The following SLC25A26 variants were observed in gnomAD, a reference collection of about 807,000 sequenced individuals.
SLC25A26 encodes mitochondrial S-adenosylmethionine carrier protein.
A neutral mutation model predicts 37.8 loss-of-function variants in SLC25A26; 36 were observed. That is an observed-to-expected ratio of 0.95 (90% CI 0.73 to 1.26). The LOEUF is 1.26. Among genes scored for constraint, SLC25A26 ranks in the 50% most tolerant of loss-of-function variants. SLC25A26 has a pLI of 0.00. For missense variants in SLC25A26, 390 were observed against 331.1 expected (o/e 1.18, Z -1.38); for synonymous variants, 129 against 122.5 (o/e 1.05, Z -0.35).
chr3:66,305,892 T>C (rs2075205997), intron 5 of SLC25A26, among the ~76,000 whole-genome samples: 1 of 152,246 alleles, frequency 6.6e-6, no homozygotes, highest in African/African-American at 2.4e-5. Context: ...TCTTCCACAA[T>C]GGTTGAACTA....
chr3:66,363,319 C>A (rs2061874), intron 7 of SLC25A26, among the ~76,000 whole-genome samples: 62,845 of 151,948 alleles, frequency 0.41, 13,562 homozygotes, highest in East Asian at 0.7. Context: ...TGCAGAAGGC[C>A]ATGATTCACG....
chr3:66,272,983 T>C (rs1175724550), intron 5 of SLC25A26, among the ~76,000 whole-genome samples: 1 of 152,182 alleles, frequency 6.6e-6, no homozygotes, highest in Non-Finnish European at 1.5e-5. Flanking sequence ...ACCTAATTTA[T>C]TGAGAGTTTT....
intron 1 of SLC25A26, among the ~76,000 whole-genome samples, chr3:66,177,597 T>G (rs1165069288): frequency 1.3e-5 from 2 of 152,220 alleles, no homozygotes; most frequent in Admixed American, 6.5e-5. Flanking sequence ...GTGGGTCCCT[T>G]TATTTCTCAC....
At chr3:66,222,839 C>T (rs2071564218) in intron 1 of SLC25A26, among the ~76,000 whole-genome samples, 1 of 152,040 alleles carries the variant, frequency 6.6e-6, no homozygotes, top group South Asian at 2.1e-4. Context: ...CTGCAGTTAA[C>T]AAAAGAATGG....
intron 1 of SLC25A26, among the ~76,000 whole-genome samples, chr3:66,172,867 C>T (rs560333608): frequency 6.6e-6 from 1 of 152,196 alleles, no homozygotes; most frequent in South Asian, 2.1e-4. Flanking sequence ...ATGAGGACAC[C>T]AGTCATAATG....
At chr3:66,170,688 A>G (rs1229708450) in intron 1 of SLC25A26, among the ~76,000 whole-genome samples, 1 of 151,154 alleles carries the variant, frequency 6.6e-6, no homozygotes, top group Non-Finnish European at 1.5e-5. Context: ...GAACTCTGCT[A>G]TTCCATCCAT....
At chr3:66,149,918 TA>T (rs2070175049) in intron 1 of SLC25A26, among the ~76,000 whole-genome samples, 1 of 152,168 alleles carries the variant, frequency 6.6e-6, no homozygotes, top group Non-Finnish European at 1.5e-5. Flanking sequence ...ACAGGTTAAG[TA>T]ATTTATCCAA....
At chr3:66,223,254 G>A (rs894556908) in intron 1 of SLC25A26, among the ~76,000 whole-genome samples, 4 of 152,214 alleles carry the variant, frequency 2.6e-5, no homozygotes, top group African/African-American at 7.2e-5. Flanking sequence ...CTAAAAGATA[G>A]GAAGGGGCTT....
chr3:66,150,214 T>C (rs1188331134), intron 1 of SLC25A26, among the ~76,000 whole-genome samples: 1 of 151,668 alleles, frequency 6.6e-6, no homozygotes, highest in Admixed American at 6.6e-5. Flanking sequence ...ATATATAACA[T>C]AGGCCGGGCA....
At chr3:66,327,284 G>C (rs2075861775) in intron 5 of SLC25A26, among the ~76,000 whole-genome samples, 1 of 152,080 alleles carries the variant, frequency 6.6e-6, no homozygotes, top group Non-Finnish European at 1.5e-5. Context: ...TCCCCAAAAT[G>C]CATGATTTTT....
At chr3:66,334,136 T>C (rs988062238) in intron 5 of SLC25A26, among the ~76,000 whole-genome samples, 1 of 152,180 alleles carries the variant, frequency 6.6e-6, no homozygotes, top group African/African-American at 2.4e-5. Flanking sequence ...AGGAGTGATA[T>C]ATTATTCTCA....
chr3:66,242,818 C>T (rs2072642431), intron 2 of SLC25A26, among the ~76,000 whole-genome samples: 1 of 152,070 alleles, frequency 6.6e-6, no homozygotes, highest in Non-Finnish European at 1.5e-5. Context: ...CAATTTTAAC[C>T]TGTTTATTCA....
At chr3:66,211,967 C>A (rs1322744932) in intron 1 of SLC25A26, among the ~76,000 whole-genome samples, 4 of 152,210 alleles carry the variant, frequency 2.6e-5, no homozygotes, top group Non-Finnish European at 5.9e-5. Flanking sequence ...ACAATCTCCC[C>A]TTATCTGCAG....
At chr3:66,258,571 T>G (rs2073395238) in intron 3 of SLC25A26, among the ~76,000 whole-genome samples, 1 of 152,214 alleles carries the variant, frequency 6.6e-6, no homozygotes, top group Admixed American at 6.5e-5. Context: ...TAATGTAAGA[T>G]GCAGGTGAAA....
At chr3:66,300,256 G>GTTTTTTTTT (rs916553948) in intron 5 of SLC25A26, among the ~76,000 whole-genome samples, 2 of 116,660 alleles carry the variant, frequency 1.7e-5, no homozygotes, top group African/African-American at 3.0e-5. Flanking sequence ...TTTTTGTTTT[G>GTTTTTTTTT]TTTTTTTTTT....
At chr3:66,162,012 G>C (rs191185766) in intron 1 of SLC25A26, among the ~76,000 whole-genome samples, 346 of 152,316 alleles carry the variant, frequency 2.3e-3, no homozygotes, top group Non-Finnish European at 3.6e-3. Context: ...AAGTACTGCA[G>C]ACCTGGTGGC....
At chr3:66,314,363 A>G (rs1294332362) in intron 5 of SLC25A26, among the ~76,000 whole-genome samples, 2 of 152,134 alleles carry the variant, frequency 1.3e-5, no homozygotes, top group Non-Finnish European at 2.9e-5. Flanking sequence ...TTCTGTGTCT[A>G]TTGAGATAAT....
At chr3:66,292,341 T>C (rs2074741115) in intron 5 of SLC25A26, among the ~76,000 whole-genome samples, 1 of 152,176 alleles carries the variant, frequency 6.6e-6, no homozygotes, top group Non-Finnish European at 1.5e-5. Context: ...GATCCTGTTG[T>C]TACGATGCTA....
At chr3:66,301,934 C>A (rs893547607) in intron 5 of SLC25A26, among the ~76,000 whole-genome samples, 2 of 152,158 alleles carry the variant, frequency 1.3e-5, no homozygotes, top group Admixed American at 6.6e-5. Flanking sequence ...ATAATACCAA[C>A]CTCATAAGGT....
Sources: allele counts gnomAD v4.1 joint callset (sites outside exome capture counted in the v4.1 genomes callset), GRCh38; gene constraint gnomAD v4.1.1; transcripts MANE v1.5; gene names NCBI Gene and HGNC (gene_info 2026-07-23, HGNC 2026-07-21).